MLLT1: variants seen among roughly 807,000 people sequenced by gnomAD.
MLLT1 encodes the protein MLLT1 super elongation complex subunit, also known as protein ENL.
Under a neutral mutation model 55.1 loss-of-function variants are expected in MLLT1, and 11 were observed. The observed-to-expected ratio is 0.20, with a 90% CI of 0.13 to 0.33. The LOEUF (loss-of-function observed/expected upper bound fraction) is 0.33. MLLT1 is among the 10% of genes least tolerant of loss of function. The pLI is 1.00. For missense variants in MLLT1, 536 were observed against 760.6 expected (o/e 0.70, Z 3.47); for synonymous variants, 323 against 320.1 (o/e 1.01, Z -0.10).
At chr19:6,218,123 C>A (rs2090863665) in intron 6 of MLLT1, 82 bp from the exon 7 acceptor site, 3 of 1,513,286 alleles carry the variant, frequency 2.0e-6, no homozygotes, top group African/African-American at 1.4e-5. Flanking sequence ...GGCCCCCTGG[C>A]AGCAGCTACG....
At chr19:6,243,766 G>A (rs988566961) in intron 3 of MLLT1, among the ~76,000 whole-genome samples, 1 of 152,028 alleles carries the variant, frequency 6.6e-6, no homozygotes, top group Non-Finnish European at 1.5e-5. Context: ...TCAATCGGCC[G>A]GGCACGGTGG....
Position 6,211,601 on chromosome 19 carries a change from G to A in MLLT1, c.*1441C>T, listed in dbSNP as rs765660492. On this transcript the variant is annotated 3_prime_UTR_variant, in exon 12 of 12. Coordinates refer to ENST00000252674, the MANE Select transcript of MLLT1 (RefSeq NM_005934.4). This position sits in a 1 kb window ranked among gnomAD's most constrained non-coding sequence, Gnocchi z 4.6. Reference sequence around the variant, plus strand: ...TCGAGGGGGTGCGAGCCCACCTCCAGGCCCTCAGCCCTCTTTTCCTCATAA... The same window carrying A: ...TCGAGGGGGTGCGAGCCCACCTCCAAGCCCTCAGCCCTCTTTTCCTCATAA... 2 of 1,065,308 alleles carry A rather than the reference G, an allele frequency of 1.9e-6. No homozygotes were observed. The highest frequency in any genetic ancestry group is 2.3e-6 in the Non-Finnish European group (2 of 879,158). The allele number at this position is 1,065,308 out of a possible 1,614,324, so 66.0% of individuals were successfully genotyped here.
Position 6,262,415 on chromosome 19 carries a change from G to C in MLLT1, c.194-105C>G, listed in dbSNP as rs1266458935. 2.2e-6 allele frequency: 2 copies of C among 913,220 alleles called. No individual in the cohort carries two copies. Among genetic ancestry groups the C allele is most frequent in the Non-Finnish European group, 1.7e-6 (1 of 590,646 alleles). 56.6% of individuals were successfully genotyped at this position (913,220 alleles called of 1,614,324 possible). On this transcript the variant is annotated intron_variant, in intron 2 of 11. Coordinates refer to ENST00000252674, the MANE Select transcript of MLLT1 (RefSeq NM_005934.4). This position sits in a 1 kb window ranked among gnomAD's most constrained non-coding sequence, Gnocchi z 4.4. The stretch of plus-strand genomic sequence containing the variant: ...TCAACCCCACCACCTCCTCACAGGG[G>C]CTTGGCTGGCCTCTCGGGGGTGGCT...
At chr19:6,254,153 G>A (rs780608848) in intron 3 of MLLT1, among the ~76,000 whole-genome samples, 3 of 152,158 alleles carry the variant, frequency 2.0e-5, no homozygotes, top group Non-Finnish European at 2.9e-5. Context: ...GAGGGCAAAG[G>A]GGCTGGAAAT....
rs1014187839 is a variant in MLLT1, at chr19:6,231,980, T to C, written c.277-1267A>G. ...GGCCGGGCGCGGTGGCTCACGCCTG[T>C]AACCCAGAACTCTGGGAGGTTGAGG... On this transcript the variant is annotated intron_variant, in intron 3 of 11. Coordinates refer to ENST00000252674, the MANE Select transcript of MLLT1 (RefSeq NM_005934.4). This position sits in a 1 kb window ranked among gnomAD's most constrained non-coding sequence, Gnocchi z 5.1. Among the ~76,000 whole-genome samples the C allele has an allele frequency of 6.6e-6, 1 of 152,056 alleles. No individual in the cohort carries two copies. Among genetic ancestry groups the C allele is most frequent in the African/African-American group, 2.4e-5 (1 of 41,408 alleles).
rs1417673452 is a variant in MLLT1, at chr19:6,212,886, G to A, written c.*156C>T. The A allele has an allele frequency of 7.4e-6, 8 of 1,077,032 alleles. No homozygotes were observed. In the Admixed American group the frequency reaches 1.2e-4, roughly 16 times the overall value. 66.7% of individuals were successfully genotyped at this position (1,077,032 alleles called of 1,614,324 possible). A position where few individuals can be genotyped will look rare whatever the true frequency, so the allele number is the denominator to read the frequency against. On this transcript the variant is annotated 3_prime_UTR_variant, in exon 12 of 12. Transcript: ENST00000252674. ...GCGATGGAGCGGGGAGAGTGGGCAG[G>A]GAGCCGCCGAGGAAAGTGCAGCGGG...
rs1039917139 is a variant in MLLT1 at position 6,240,111 on chromosome 19, G to A, written c.277-9398C>T. Among the ~76,000 whole-genome samples the A allele has an allele frequency of 4.6e-5, 7 of 152,242 alleles. No homozygotes were observed. The highest frequency in any genetic ancestry group is 9.6e-5 in the African/African-American group (4 of 41,538). ...GCAGGAATCAAACAGGAAAGAGGCA[G>A]AAAGGCCACCGGTGCCTCTGGCTGG... is the stretch of plus-strand genomic sequence containing the variant. On this transcript the variant is annotated intron_variant, in intron 3 of 11. Coordinates refer to ENST00000252674, the MANE Select transcript of MLLT1 (RefSeq NM_005934.4). This position sits in a 1 kb window ranked among gnomAD's most constrained non-coding sequence, Gnocchi z 4.7.
At chr19:6,269,265 C>T (rs1278892238) in intron 2 of MLLT1, among the ~76,000 whole-genome samples, 3 of 152,232 alleles carry the variant, frequency 2.0e-5, no homozygotes, top group Admixed American at 6.5e-5. Flanking sequence ...GCGGCCTGCC[C>T]CCTGGACCCG....
At chr19:6,251,443 G>A (rs906894078) in intron 3 of MLLT1, among the ~76,000 whole-genome samples, 1 of 152,136 alleles carries the variant, frequency 6.6e-6, no homozygotes, top group African/African-American at 2.4e-5. Context: ...GACGCCAGAC[G>A]AGAACAAAAG....
chr19:6,232,964 A>G (rs957190402), intron 3 of MLLT1, among the ~76,000 whole-genome samples: 5 of 152,206 alleles, frequency 3.3e-5, no homozygotes, highest in Admixed American at 6.5e-5. Flanking sequence ...GAGAAGCTCG[A>G]GACATCACAC....
At chr19:6,279,165 G>A (rs750181944) in intron 1 of MLLT1, among the ~76,000 whole-genome samples, 92 of 152,222 alleles carry the variant, frequency 6.0e-4, no homozygotes, top group Non-Finnish European at 4.7e-4. Context: ...CAGGGTCCCA[G>A]GGGGCCGGGG....
In MLLT1 at chr19:6,230,683, C is replaced by G; in HGVS notation, c.307G>C (p.Asp103His). ...TTGCCTTCCAGGTTCAGGAACAGGT[C>G]GTAGGTGAAGCAGACCTTCCTCGGC... is the stretch of plus-strand genomic sequence containing the variant. ...EEPRKVCFTYDLFLNLEGNPP... is the reference protein window; with the variant it reads ...EEPRKVCFTYHLFLNLEGNPP... The change falls in exon 4 of 12, where the codon GAC becomes CAC. Residue 103 changes from aspartate to histidine, a missense_variant. Transcript: ENST00000252674. This position sits in a 1 kb window ranked among gnomAD's most constrained non-coding sequence, Gnocchi z 9.0. The G allele has an allele frequency of 6.2e-7, 1 of 1,614,070 alleles. No homozygotes were observed.
rs535113226 is a variant in MLLT1 at position 6,226,541 on chromosome 19, G to T, written c.546+436C>A. Among the ~76,000 whole-genome samples the T allele has an allele frequency of 5.3e-5, 8 of 152,292 alleles. No individual in the cohort carries two copies. Among genetic ancestry groups the T allele is most frequent in the African/African-American group, 1.9e-4 (8 of 41,570 alleles). ...GAAACTCTGCAGTGAGCCATAGCCC[G>T]AGATGCAAAGCCTGGCATAGCCAAG... On this transcript the variant is annotated intron_variant, in intron 5 of 11. Coordinates refer to ENST00000252674, the MANE Select transcript of MLLT1 (RefSeq NM_005934.4). The surrounding 1 kb of genome is among the most constrained non-coding windows in gnomAD (Gnocchi z 6.3).
rs1484138692 is a variant in MLLT1, at chr19:6,231,225, A to G, written c.277-512T>C. Among the ~76,000 whole-genome samples, 1 of 152,222 alleles carries G rather than the reference A, an allele frequency of 6.6e-6. No homozygotes were observed. The highest frequency in any genetic ancestry group is 1.5e-5 in the Non-Finnish European group (1 of 68,028). ...AGTACAAGGTCACGACCCAGTTTCC[A>G]GGAGGCTCTGTCCACTTTGGGTGCC... On this transcript the variant is annotated intron_variant, in intron 3 of 11. Coordinates refer to ENST00000252674, the MANE Select transcript of MLLT1 (RefSeq NM_005934.4). The surrounding 1 kb of genome is among the most constrained non-coding windows in gnomAD (Gnocchi z 5.1).
At chr19:6,251,194 A>C (rs907803523) in intron 3 of MLLT1, among the ~76,000 whole-genome samples, 1 of 152,212 alleles carries the variant, frequency 6.6e-6, no homozygotes, top group African/African-American at 2.4e-5. Context: ...AACCCTGTGA[A>C]TGTACTAAAT....
intron 3 of MLLT1, among the ~76,000 whole-genome samples, chr19:6,248,778 G>A (rs2091190344): frequency 2.0e-5 from 3 of 152,212 alleles, no homozygotes; most frequent in Admixed American, 2.0e-4. Flanking sequence ...CACGGCGATT[G>A]TACTGATGCT....
At position 6,262,081 on chromosome 19, in the gene MLLT1, TG is replaced by T; in HGVS notation, c.276+146del. 1.5e-6 allele frequency: 1 copy of T among 649,668 alleles called. No individual in the cohort carries two copies. Among genetic ancestry groups the T allele is most frequent in the East Asian group, 2.8e-5 (1 of 36,294 alleles). The allele number at this position is 649,668 out of a possible 1,614,324, so 40.2% of individuals were successfully genotyped here. A position where few individuals can be genotyped will look rare whatever the true frequency, so the allele number is the denominator to read the frequency against. On this transcript the variant is annotated intron_variant, in intron 3 of 11. Coordinates refer to ENST00000252674, the MANE Select transcript of MLLT1 (RefSeq NM_005934.4). The surrounding 1 kb of genome is among the most constrained non-coding windows in gnomAD (Gnocchi z 4.4). ...CCCCCGACGTCCCCAGGAATGGAGA[TG>T]GTGACCAGCACCCCCCGCAGCACTC...
chr19:6,211,738 C>T lies in MLLT1; in HGVS notation c.*1304G>A. The stretch of plus-strand genomic sequence containing the variant: ...AGAGGCTAACCAGGCAGGCCTCCAG[C>T]CCCTGGGACCCCCAGCCACGATGGG... On this transcript the variant is annotated 3_prime_UTR_variant, in exon 12 of 12. Coordinates refer to ENST00000252674, the MANE Select transcript of MLLT1 (RefSeq NM_005934.4). The surrounding 1 kb of genome is among the most constrained non-coding windows in gnomAD (Gnocchi z 4.6). 2 of 1,064,510 alleles carry T rather than the reference C, an allele frequency of 1.9e-6. No homozygotes were observed. Among genetic ancestry groups the T allele is most frequent in the Non-Finnish European group, 2.3e-6 (2 of 878,734 alleles). The allele number at this position is 1,064,510 out of a possible 1,614,324, so 65.9% of individuals were successfully genotyped here.
rs1170117444 is a variant in MLLT1 at position 6,265,054 on chromosome 19, AAAC to A, written c.194-2747_194-2745del. Among the ~76,000 whole-genome samples the A allele has an allele frequency of 1.7e-3, 56 of 32,904 alleles. 3 individuals carry two copies. The highest frequency in any genetic ancestry group is 2.7e-3 in the East Asian group (1 of 366). The allele number at this position is 32,904 out of a possible 152,430, so 21.6% of individuals were successfully genotyped here. A position where few individuals can be genotyped will look rare whatever the true frequency, so the allele number is the denominator to read the frequency against. On this transcript the variant is annotated intron_variant, in intron 2 of 11. Coordinates refer to ENST00000252674, the MANE Select transcript of MLLT1 (RefSeq NM_005934.4). ...AGTGAACAGCAAAAAAAAAACAAAA[AAAC>A]AAAAAAACAAAAAAAAACATGATGT...
Sources: allele counts gnomAD v4.1 joint callset (sites outside exome capture counted in the v4.1 genomes callset), GRCh38; gene constraint gnomAD v4.1.1; non-coding constraint Gnocchi (gnomAD v3.1); transcripts MANE v1.5; gene names NCBI Gene and HGNC (gene_info 2026-07-23, HGNC 2026-07-21).